Variants in AKAP13 observed in about 807,000 individuals in gnomAD.
AKAP13 encodes A-kinase anchoring protein 13.
In AKAP13, 80 loss-of-function variants were observed where a neutral mutation model predicts 264.5. The ratio of observed to expected loss-of-function variants is 0.30; its 90% CI spans 0.25 to 0.36. The LOEUF (loss-of-function observed/expected upper bound fraction) is 0.36. Among genes scored for constraint, AKAP13 ranks in the 10% least tolerant of loss-of-function variants. The pLI is 1.00. For missense variants in AKAP13, 3,712 were observed against 3,435.2 expected, an observed-to-expected ratio of 1.08 and a Z score of -2.01; for synonymous variants, 1,380 against 1,250.2, an observed-to-expected ratio of 1.10 and a Z score of -2.19.
intron 20 of AKAP13, 107 bp downstream of exon 20, chr15:85,716,030 A>C: frequency 7.2e-7 from 1 of 1,397,004 alleles, no homozygotes; most frequent in Non-Finnish European, 9.5e-7. Context: ...AAATAAATCT[A>C]TAAGGTCATG....
intron 2 of AKAP13, among the ~76,000 whole-genome samples, chr15:85,495,026 A>G (rs1053083198): frequency 2.6e-5 from 4 of 152,214 alleles, no homozygotes; most frequent in African/African-American, 9.7e-5. Context: ...AAATTCCTCT[A>G]TAGTGAAGGA....
At chr15:85,716,002 C>T (rs1314184493) in intron 20 of AKAP13, 79 bp downstream of exon 20, 16 of 1,269,836 alleles carry the variant, frequency 1.3e-5, no homozygotes, top group Admixed American at 9.6e-5. Context: ...TGACAAAAAG[C>T]TTTTTTTTTT....
intron 10 of AKAP13, among the ~76,000 whole-genome samples, chr15:85,649,994 G>C (rs1165531576): frequency 2.0e-5 from 3 of 151,844 alleles, no homozygotes; most frequent in Non-Finnish European, 4.4e-5. Flanking sequence ...ATCTACAATT[G>C]ATTTAAAAAA....
chr15:85,736,962 A>G (rs918250679), intron 33 of AKAP13, among the ~76,000 whole-genome samples: 2 of 123,588 alleles, frequency 1.6e-5, no homozygotes, highest in Non-Finnish European at 3.1e-5. Flanking sequence ...TCTGTTGTCC[A>G]GGCTGGAGTA....
intron 8 of AKAP13, among the ~76,000 whole-genome samples, chr15:85,604,091 T>G (rs919172546): frequency 3.3e-5 from 5 of 152,208 alleles, no homozygotes; most frequent in Non-Finnish European, 5.9e-5. Flanking sequence ...TAGTTGACAG[T>G]TTTTTGTTAA....
At chr15:85,586,795 G>T (rs760480077) in intron 8 of AKAP13, among the ~76,000 whole-genome samples, 2 of 151,952 alleles carry the variant, frequency 1.3e-5, no homozygotes, top group Non-Finnish European at 2.9e-5. Context: ...GGGCGTGGTG[G>T]CAGGTGCCTG....
At chr15:85,485,280 T>C (rs1396207127) in intron 1 of AKAP13, among the ~76,000 whole-genome samples, 5 of 152,196 alleles carry the variant, frequency 3.3e-5, no homozygotes, top group Non-Finnish European at 5.9e-5. Flanking sequence ...AGAGTTCTAG[T>C]GGTCCCTTGC....
chr15:85,568,421 T>G (rs1322677558), intron 5 of AKAP13, among the ~76,000 whole-genome samples: 2 of 152,206 alleles, frequency 1.3e-5, no homozygotes, highest in Non-Finnish European at 2.9e-5. Flanking sequence ...GGGTGGGTTT[T>G]GGATAGTCTG....
Position 85,523,107 on chromosome 15 carries a change from G to A in AKAP13, c.181+1532G>A, listed in dbSNP as rs145921609. 5.8e-4 allele frequency among the ~76,000 whole-genome samples: 88 copies of A among 151,964 alleles called. No homozygotes were observed. The East Asian group carries it at 6.4e-3, about 11-fold the overall frequency. ...ATGCAGAGTAAGGCAACACTTTAAC[G>A]TGTGAGCCTTTGATATGTGTGCAAG... is the stretch of plus-strand genomic sequence containing the variant. On this transcript the variant is annotated intron_variant, in intron 3 of 36. Coordinates refer to ENST00000394518, the MANE Select transcript of AKAP13 (RefSeq NM_007200.5).
At position 85,543,640 on chromosome 15, in the gene AKAP13, T is replaced by G. The variant is rs549816582; in HGVS notation, c.479-132T>G. 2.9e-6 allele frequency: 3 copies of G among 1,028,206 alleles called. No individual in the cohort carries two copies. The South Asian group carries it at 5.2e-5, about 18-fold the overall frequency. The allele number at this position is 1,028,206 out of a possible 1,614,324, so 63.7% of individuals were successfully genotyped here. On this transcript the variant is annotated intron_variant, in intron 4 of 36. Coordinates refer to ENST00000394518, the MANE Select transcript of AKAP13 (RefSeq NM_007200.5). Reference sequence around the variant, plus strand: ...CTGGCCACAATAAAGCTGTTCACACTGTATGTTGTAGCTTAACTTTACAAT... The same window carrying G: ...CTGGCCACAATAAAGCTGTTCACACGGTATGTTGTAGCTTAACTTTACAAT...
chr15:85,719,368 A>G (rs1256501424), intron 23 of AKAP13, 42 bp downstream of exon 23: 16 of 1,605,210 alleles, frequency 1.0e-5, no homozygotes, highest in African/African-American at 1.3e-5. Context: ...TACACTGGGA[A>G]AAAGGGAAGT....
chr15:85,538,953 C>CCCA (rs2077493540), intron 4 of AKAP13, among the ~76,000 whole-genome samples: 1 of 151,098 alleles, frequency 6.6e-6, no homozygotes. Context: ...GCCTCAGCCT[C>CCCA]TTGAGTAGCT....
intron 1 of AKAP13, among the ~76,000 whole-genome samples, chr15:85,463,268 T>TTTTTCCC (rs1469139688): frequency 6.6e-6 from 1 of 152,086 alleles, no homozygotes; most frequent in Non-Finnish European, 1.5e-5. Flanking sequence ...GAAAAAAATA[T>TTTTTCCC]TTGAACAAAC....
chr15:85,518,946 C>T (rs1425385952), intron 2 of AKAP13, among the ~76,000 whole-genome samples: 1 of 152,232 alleles, frequency 6.6e-6, no homozygotes, highest in Non-Finnish European at 1.5e-5. Context: ...TAGCCACCTC[C>T]TCTGTCCCCA....
chr15:85,399,520 A>AC (rs1567038626), intron 1 of AKAP13, among the ~76,000 whole-genome samples: 1 of 117,820 alleles, frequency 8.5e-6, no homozygotes, highest in East Asian at 2.2e-4. Flanking sequence ...AAAAAAAAAA[A>AC]AATAAAAAAA....
intron 5 of AKAP13, among the ~76,000 whole-genome samples, chr15:85,558,606 A>G (rs2078235312): frequency 1.3e-5 from 2 of 152,188 alleles, no homozygotes; most frequent in Non-Finnish European, 1.5e-5. Context: ...CTTTGTGATT[A>G]AAGTTACCAG....
chr15:85,553,785 C>T (rs1277263354), intron 5 of AKAP13, among the ~76,000 whole-genome samples: 1 of 152,194 alleles, frequency 6.6e-6, no homozygotes, highest in Non-Finnish European at 1.5e-5. Flanking sequence ...CGAGCATTAC[C>T]ACCTGAGCTT....
chr15:85,415,673 A>G (rs145451695), intron 1 of AKAP13: 19,396 of 1,140,508 alleles, frequency 0.017, 229 homozygotes, highest in Non-Finnish European at 0.022. Context: ...TAACTAAGAG[A>G]ATGACCAAGC....
chr15:85,506,961 C>CT (rs1391867170), intron 2 of AKAP13, among the ~76,000 whole-genome samples: 1 of 152,186 alleles, frequency 6.6e-6, no homozygotes, highest in East Asian at 1.9e-4. Flanking sequence ...CTTGGAGTGA[C>CT]TTTATCTCTT....
Sources: allele counts gnomAD v4.1 joint callset (sites outside exome capture counted in the v4.1 genomes callset), GRCh38; gene constraint gnomAD v4.1.1; transcripts MANE v1.5; gene names NCBI Gene and HGNC (gene_info 2026-07-23, HGNC 2026-07-21).